The following KRAS variants were observed in gnomAD, a reference collection of about 807,000 sequenced individuals.
KRAS encodes GTPase KRas.
In KRAS, 1 loss-of-function variant was observed where a neutral mutation model predicts 21.0. That is an observed-to-expected ratio of 0.05 (90% CI 0.02 to 0.23). The LOEUF is 0.23. Among genes scored for constraint, KRAS ranks in the 10% least tolerant of loss-of-function variants. KRAS has a pLI of 1.00. For synonymous variants in KRAS, 67 were observed against 72.5 expected, an observed-to-expected ratio of 0.92 and a Z score of 0.39; for missense variants, 107 against 221.8, an observed-to-expected ratio of 0.48 and a Z score of 3.29.
At chr12:25,244,777 A>G (rs999662637) in intron 2 of KRAS, among the ~76,000 whole-genome samples, 4 of 152,176 alleles carry the variant, frequency 2.6e-5, no homozygotes, top group African/African-American at 9.7e-5. Context: ...ACCACACCTT[A>G]GGCAAATAAT....
chr12:25,213,134 A>G (rs1158720498), intron 4 of KRAS, among the ~76,000 whole-genome samples: 2 of 152,134 alleles, frequency 1.3e-5, no homozygotes, highest in Admixed American at 6.6e-5. Flanking sequence ...TCTCTTTTAT[A>G]TGAATTACTT....
chr12:25,234,641 T>C (rs61761147), intron 2 of KRAS: 2,548 of 188,388 alleles, frequency 0.014, 44 homozygotes, highest in Middle Eastern at 0.048. Flanking sequence ...CTTGCATAAT[T>C]TTTTTAATGA....
intron 2 of KRAS, among the ~76,000 whole-genome samples, chr12:25,230,662 CT>C (rs1369931244): frequency 6.6e-6 from 1 of 152,136 alleles, no homozygotes; most frequent in Non-Finnish European, 1.5e-5. Flanking sequence ...TATCTCTTTT[CT>C]TTGTACTAGA....
intron 2 of KRAS, among the ~76,000 whole-genome samples, chr12:25,229,691 C>T (rs1334128988): frequency 6.6e-6 from 1 of 151,758 alleles, no homozygotes; most frequent in Non-Finnish European, 1.5e-5. Flanking sequence ...AGAAGCAGGG[C>T]TAACAACAGG....
chr12:25,228,663 T>TAA lies in KRAS; in HGVS notation c.112-1253_112-1252dup, dbSNP rs548845195. ...GGTACAGAATTCTAATTTGGGATGA[T>TAA]AAAAAAAAGTTCTCAAAACAGATAG... is the stretch of plus-strand genomic sequence containing the variant. On this transcript the variant is annotated intron_variant, in intron 2 of 4. Coordinates refer to ENST00000311936, the MANE Select transcript of KRAS (RefSeq NM_004985.5). Among the ~76,000 whole-genome samples, 22 of 151,970 alleles carry TAA rather than the reference T, an allele frequency of 1.4e-4. No individual in the cohort carries two copies. In the East Asian group the frequency reaches 3.3e-3, roughly 23 times the overall value.
intron 4 of KRAS, chr12:25,215,223 T>C (rs560523614): frequency 5.6e-6 from 4 of 710,296 alleles, no homozygotes; most frequent in Admixed American, 6.3e-5. Context: ...ATGCCAAATA[T>C]AGATTAGTCT....
chr12:25,242,900 G>C (rs1267124853), intron 2 of KRAS, among the ~76,000 whole-genome samples: 2 of 152,000 alleles, frequency 1.3e-5, no homozygotes, highest in Admixed American at 1.3e-4. Flanking sequence ...AGACATTATT[G>C]AAAGAAACAA....
rs1056486981 is a variant in KRAS at position 25,231,165 on chromosome 12, G to C, written c.112-3753C>G. On this transcript the variant is annotated intron_variant, in intron 2 of 4. Coordinates refer to ENST00000311936, the MANE Select transcript of KRAS (RefSeq NM_004985.5). ...TGCCTAGGCTGGAGGGCAGTGACAC[G>C]ATCTCGAGTCACTGCAACCTCCGCC... Among the ~76,000 whole-genome samples, 6 of 128,110 alleles carry C rather than the reference G, an allele frequency of 4.7e-5. No homozygotes were observed. In the East Asian group the frequency reaches 9.9e-4, roughly 21 times the overall value. 84.0% of individuals were successfully genotyped at this position (128,110 alleles called of 152,430 possible).
In KRAS at chr12:25,244,178, C is replaced by CT. The variant is rs1951647223; in HGVS notation, c.111+1095dup. Among the ~76,000 whole-genome samples, 4 of 152,152 alleles carry CT rather than the reference C, an allele frequency of 2.6e-5. No individual in the cohort carries two copies. The South Asian group carries it at 6.2e-4, about 24-fold the overall frequency. On this transcript the variant is annotated intron_variant, in intron 2 of 4. Coordinates refer to ENST00000311936, the MANE Select transcript of KRAS (RefSeq NM_004985.5). ...CACAGTACAGTACGTTAATAAGGCA[C>CT]TTTGACCTGTTCTAGATTTCACAGC...
intron 1 of KRAS, among the ~76,000 whole-genome samples, chr12:25,246,108 C>T (rs1284763306): frequency 2.1e-5 from 3 of 143,206 alleles, no homozygotes; most frequent in Admixed American, 7.2e-5. Context: ...GAGATGGCGC[C>T]ACTGCACTCC....
At chr12:25,243,513 A>G (rs10400492) in intron 2 of KRAS, among the ~76,000 whole-genome samples, 2,361 of 152,314 alleles carry the variant, frequency 0.016, 45 homozygotes, top group Middle Eastern at 0.071. Flanking sequence ...TTTATATTGC[A>G]TTTTAACAAT....
chr12:25,209,598 C>T lies in KRAS; in HGVS notation c.*197G>A, dbSNP rs1951181441. 1.5e-6 allele frequency: 2 copies of T among 1,340,764 alleles called. No individual in the cohort carries two copies. Among genetic ancestry groups the T allele is most frequent in the Admixed American group, 7.3e-5 (2 of 27,520 alleles). The allele number at this position is 1,340,764 out of a possible 1,614,324, so 83.1% of individuals were successfully genotyped here. On this transcript the variant is annotated 3_prime_UTR_variant, in exon 5 of 5. Transcript: ENST00000311936. ...GGCATTGCTAGTTCAAAAACCAAAACTCTGGGAATACTGGCACTTAGAGGA... is the reference window on the plus strand; with the variant it reads ...GGCATTGCTAGTTCAAAAACCAAAATTCTGGGAATACTGGCACTTAGAGGA...
chr12:25,241,917 T>C (rs1951615041), intron 2 of KRAS, among the ~76,000 whole-genome samples: 2 of 152,224 alleles, frequency 1.3e-5, no homozygotes, highest in Admixed American at 1.3e-4. Context: ...ACAAATTACA[T>C]AAGGCTTTTC....
chr12:25,216,782 C>T (rs948245033), intron 4 of KRAS, among the ~76,000 whole-genome samples: 3 of 152,126 alleles, frequency 2.0e-5, no homozygotes, highest in Non-Finnish European at 4.4e-5. Context: ...TCAAACGGGG[C>T]AAAGTGCTTA....
chr12:25,205,628 A>AAGAC lies in KRAS; in HGVS notation c.*4163_*4166dup, dbSNP rs1951128233. 1 of 223,902 alleles carries AAGAC rather than the reference A, an allele frequency of 4.5e-6. No individual in the cohort carries two copies. Among genetic ancestry groups the AAGAC allele is most frequent in the Admixed American group, 5.7e-5 (1 of 17,438 alleles). 13.9% of individuals were successfully genotyped at this position (223,902 alleles called of 1,614,324 possible). On this transcript the variant is annotated 3_prime_UTR_variant, in exon 5 of 5. Coordinates refer to ENST00000311936, the MANE Select transcript of KRAS (RefSeq NM_004985.5). ...AAAAGTATTTTCAACATGAAAACAC[A>AAGAC]AGACAGTGGAATTGGAAACTTTCGG... is the stretch of plus-strand genomic sequence containing the variant.
chr12:25,246,094 A>G (rs1375935565), intron 1 of KRAS, among the ~76,000 whole-genome samples: 2 of 147,538 alleles, frequency 1.4e-5, no homozygotes, highest in Non-Finnish European at 3.0e-5. Flanking sequence ...GGTTGCAATG[A>G]GCCGAGATGG....
intron 2 of KRAS, among the ~76,000 whole-genome samples, chr12:25,236,574 T>C (rs1205090715): frequency 6.6e-6 from 1 of 151,970 alleles, no homozygotes; most frequent in African/African-American, 2.4e-5. Context: ...ATATCTAGTA[T>C]GGTTTCTGCT....
At chr12:25,248,054 TCTCA>T (rs1423352182) in intron 1 of KRAS, among the ~76,000 whole-genome samples, 7 of 152,032 alleles carry the variant, frequency 4.6e-5, no homozygotes, top group Non-Finnish European at 8.8e-5. Context: ...TATAACAAGG[TCTCA>T]CTATGTTGAG....
rs5797120 is a variant in KRAS at position 25,218,922 on chromosome 12, T to G, written c.450+6692A>C. Among the ~76,000 whole-genome samples the G allele has an allele frequency of 1.9e-3, 80 of 41,222 alleles. 1 individual carries two copies. The highest frequency in any genetic ancestry group is 9.2e-3 in the Admixed American group (36 of 3,932). The allele number at this position is 41,222 out of a possible 152,430, so 27.0% of individuals were successfully genotyped here. On this transcript the variant is annotated intron_variant, in intron 4 of 4. Coordinates refer to ENST00000311936, the MANE Select transcript of KRAS (RefSeq NM_004985.5). ...ACTCATTTTGTGGGGGTTTTTTGTT[T>G]TTTTTTAACTTTTTCTTTTTTTGTT...
Sources: gnomAD v4.1 joint callset for allele counts (sites outside exome capture counted in the v4.1 genomes callset) on GRCh38, gnomAD v4.1.1 for gene constraint, MANE v1.5 for transcripts, NCBI Gene and HGNC (gene_info 2026-07-23, HGNC 2026-07-21) for gene names.